Variants in MCC observed in about 807,000 individuals in gnomAD.
MCC encodes the protein MCC regulator of Wnt signaling pathway.
A neutral mutation model predicts 116.2 loss-of-function variants in MCC; 90 were observed. The observed-to-expected ratio is 0.77, with a 90% confidence interval of 0.65 to 0.92. The LOEUF is 0.92. MCC is among the 40% of genes least tolerant of loss of function. The probability of loss-of-function intolerance (pLI) is 0.00; values close to 1 mark genes in which losing one functional copy is unlikely to be tolerated. For synonymous variants in MCC, 578 were observed against 510.5 expected (o/e 1.13, Z -1.78); for missense variants, 1,516 against 1,312.2 (o/e 1.16, Z -2.40).
chr5:113,066,112 G>C (rs1051392265), intron 13 of MCC, among the ~76,000 whole-genome samples: 1 of 152,142 alleles, frequency 6.6e-6, no homozygotes, highest in African/African-American at 2.4e-5. Context: ...CCCAGTATTA[G>C]GTAAATACAA....
At chr5:113,071,268 G>A (rs1309996641) in intron 11 of MCC, 34 bp from the exon 12 acceptor site, 1 of 1,600,066 alleles carries the variant, frequency 6.2e-7, no homozygotes, top group Non-Finnish European at 8.5e-7. Context: ...TCACACTAGG[G>A]TTACAGTTAA....
intron 5 of MCC, among the ~76,000 whole-genome samples, chr5:113,134,578 TGTA>T (rs1758683281): frequency 7.6e-6 from 1 of 130,748 alleles, no homozygotes; most frequent in African/African-American, 2.8e-5. Flanking sequence ...TTTTTTTTTT[TGTA>T]GTTCTATAAA....
intron 1 of MCC, among the ~76,000 whole-genome samples, chr5:113,396,469 A>C (rs1186417197): frequency 3.3e-5 from 4 of 122,650 alleles, no homozygotes; most frequent in Non-Finnish European, 6.8e-5. Flanking sequence ...CATCTCTACT[A>C]ACAATACAAA....
chr5:113,190,139 A>AT (rs1374633768), intron 3 of MCC, among the ~76,000 whole-genome samples: 1 of 152,232 alleles, frequency 6.6e-6, no homozygotes, highest in Non-Finnish European at 1.5e-5. Flanking sequence ...GGCAGCTGCT[A>AT]TAACAGTCTT....
In MCC at chr5:113,023,693, A is replaced by ATTGT. The variant is rs1170745127; in HGVS notation, c.*3605_*3608dup. ...CATACTCCCAATTAAGAATTTGCAAATTGTTTAAAGCCTTATGGAGGAAAG... is the reference window on the plus strand; with the variant it reads ...CATACTCCCAATTAAGAATTTGCAAATTGTTTGTTTAAAGCCTTATGGAGGAAAG... On this transcript the variant is annotated 3_prime_UTR_variant, in exon 19 of 19. Transcript: ENST00000408903. 1.3e-5 allele frequency: 2 copies of ATTGT among 152,214 alleles called. No homozygotes were observed. Among genetic ancestry groups the ATTGT allele is most frequent in the African/African-American group, 2.4e-5 (1 of 41,460 alleles). The allele number at this position is 152,214 out of a possible 1,614,324, so 9.4% of individuals were successfully genotyped here. A position where few individuals can be genotyped will look rare whatever the true frequency, so the allele number is the denominator to read the frequency against.
intron 3 of MCC, among the ~76,000 whole-genome samples, chr5:113,305,829 A>G (rs1766972531): frequency 6.6e-6 from 1 of 152,230 alleles, no homozygotes; most frequent in South Asian, 2.1e-4. Flanking sequence ...GTATATTCAC[A>G]GAGTTGTGCA....
rs1750773485 is a variant in MCC at position 113,029,046 on chromosome 5, A to G, written c.2767T>C (p.Leu923=). The change falls in exon 18 of 19, where the codon TTG becomes CTG. Residue 923 remains leucine, a synonymous_variant. Transcript: ENST00000408903. ...ACCAGCTCTTGAACTCTGGCCTTCA[A>G]CTTCTTTTCTCTATATTAAAGGAGA... ...FTNAIRREKK[L]KARVQELVSA... is the part of the protein sequence containing the mutation. 1.2e-6 allele frequency: 2 copies of G among 1,612,718 alleles called. No homozygotes were observed. Among genetic ancestry groups the G allele is most frequent in the African/African-American group, 2.7e-5 (2 of 74,846 alleles).
In MCC at chr5:113,104,309, C is replaced by A; in HGVS notation, c.1074G>T (p.Gly358=). Residue 358 remains glycine, a synonymous_variant, in exon 7 of 19, where the codon GGG becomes GGT. Coordinates refer to ENST00000408903, the MANE Select transcript of MCC (RefSeq NM_001085377.2). ...LNSELQRVLT[G]LENVVCGRKK... is the part of the protein sequence containing the mutation. ...TCCTGCCGCAGACAACATTCTCCAG[C>A]CCTGTCAGCACCCTCTGCAGTTCTG... is the stretch of plus-strand genomic sequence containing the variant. 1.2e-6 allele frequency: 2 copies of A among 1,613,858 alleles called. No homozygotes were observed. Among genetic ancestry groups the A allele is most frequent in the African/African-American group, 1.3e-5 (1 of 75,044 alleles).
chr5:113,161,430 A>G (rs1161026461), intron 3 of MCC, among the ~76,000 whole-genome samples: 1 of 152,248 alleles, frequency 6.6e-6, no homozygotes, highest in Admixed American at 6.5e-5. Context: ...GATCCAATTT[A>G]GCAGGTATTG....
intron 2 of MCC, among the ~76,000 whole-genome samples, chr5:113,369,124 T>A (rs1043322215): frequency 2.0e-5 from 3 of 152,124 alleles, no homozygotes; most frequent in African/African-American, 7.2e-5. Context: ...CTTTTTTTTT[T>A]AATGGACACT....
chr5:113,193,674 C>A (rs1762252010), intron 3 of MCC, among the ~76,000 whole-genome samples: 1 of 152,170 alleles, frequency 6.6e-6, no homozygotes, highest in African/African-American at 2.4e-5. Flanking sequence ...TTGTTCCCCA[C>A]CTCCAATTCT....
intron 3 of MCC, among the ~76,000 whole-genome samples, chr5:113,329,115 T>C (rs1767634506): frequency 6.6e-6 from 1 of 152,176 alleles, no homozygotes; most frequent in Non-Finnish European, 1.5e-5. Flanking sequence ...CATACCTATA[T>C]ATGCAGCATA....
chr5:113,267,059 A>T (rs894810149), intron 3 of MCC, among the ~76,000 whole-genome samples: 2 of 152,198 alleles, frequency 1.3e-5, no homozygotes, highest in African/African-American at 4.8e-5. Context: ...TAATTATGAC[A>T]ATTTAGCAAT....
chr5:113,114,345 G>A (rs1757274793), intron 6 of MCC, among the ~76,000 whole-genome samples: 1 of 152,222 alleles, frequency 6.6e-6, no homozygotes, highest in Non-Finnish European at 1.5e-5. Context: ...GATTCTCAGT[G>A]CAGCCACCAG....
chr5:113,433,830 C>T, intron 1 of MCC: 1 of 1,613,910 alleles, frequency 6.2e-7, no homozygotes, highest in East Asian at 2.2e-5. Context: ...CTCCGACTGC[C>T]TGGACATTTG....
chr5:113,340,326 C>T (rs1767978472), intron 3 of MCC, among the ~76,000 whole-genome samples, 193 bp downstream of exon 3: 1 of 152,110 alleles, frequency 6.6e-6, no homozygotes, highest in Non-Finnish European at 1.5e-5. Flanking sequence ...ACTCTGGTCT[C>T]CATGAGAGTG....
chr5:113,333,809 G>A (rs1336036088), intron 3 of MCC, among the ~76,000 whole-genome samples: 2 of 86,576 alleles, frequency 2.3e-5, no homozygotes, highest in African/African-American at 3.7e-5. Flanking sequence ...ATGTATATAT[G>A]TATATATGTA....
At chr5:113,462,633 G>T (rs985323101) in intron 1 of MCC, among the ~76,000 whole-genome samples, 3 of 152,100 alleles carry the variant, frequency 2.0e-5, no homozygotes, top group Admixed American at 2.0e-4. Context: ...TCCAGAAAAA[G>T]CCTAGAAACC....
chr5:113,093,170 A>C (rs893384990), intron 8 of MCC, among the ~76,000 whole-genome samples: 2 of 152,222 alleles, frequency 1.3e-5, no homozygotes, highest in Non-Finnish European at 2.9e-5. Flanking sequence ...GGGGAAGGGG[A>C]TGGGATATTA....
Sources: gnomAD v4.1 joint callset for allele counts (sites outside exome capture counted in the v4.1 genomes callset) on GRCh38, gnomAD v4.1.1 for gene constraint, MANE v1.5 for transcripts, NCBI Gene and HGNC (gene_info 2026-07-23, HGNC 2026-07-21) for gene names.